Variants in SIPA1L1 observed in about 807,000 individuals in gnomAD.
SIPA1L1 encodes the protein signal induced proliferation associated 1 like 1.
Under a neutral mutation model 162.7 loss-of-function variants are expected in SIPA1L1, and 26 were observed. That is an observed-to-expected ratio of 0.16 (90% CI 0.12 to 0.22). SIPA1L1 has a LOEUF of 0.22. Ranked by LOEUF, SIPA1L1 falls within the 10% of genes least tolerant of loss-of-function variation. The pLI is 1.00. For missense variants in SIPA1L1, 1,874 were observed against 2,241.0 expected (o/e 0.84, Z 3.31); for synonymous variants, 829 against 837.4 (o/e 0.99, Z 0.17).
intron 2 of SIPA1L1, among the ~76,000 whole-genome samples, chr14:71,347,470 C>T (rs116850960): frequency 1.5e-3 from 231 of 152,092 alleles, no homozygotes; most frequent in Non-Finnish European, 2.5e-3. Flanking sequence ...TAAGTTTTAA[C>T]GTGCACATAT....
intron 3 of SIPA1L1, among the ~76,000 whole-genome samples, chr14:71,525,460 G>T (rs1010543128): frequency 6.6e-6 from 1 of 152,200 alleles, no homozygotes; most frequent in Non-Finnish European, 1.5e-5. Flanking sequence ...TGGGATTACA[G>T]GCGTGAGCCA....
intron 4 of SIPA1L1, among the ~76,000 whole-genome samples, chr14:71,568,513 C>T (rs1335578266): frequency 1.3e-5 from 2 of 148,472 alleles, no homozygotes; most frequent in Non-Finnish European, 3.0e-5. Flanking sequence ...GTCTCCTTAG[C>T]ATAGTTCCTC....
chr14:71,467,654 A>G (rs1014563788), intron 2 of SIPA1L1, among the ~76,000 whole-genome samples: 1 of 152,150 alleles, frequency 6.6e-6, no homozygotes. Context: ...TTTAAGTATA[A>G]TGAGTCATTT....
chr14:71,739,141 A>C lies in SIPA1L1; in HGVS notation c.5332A>C (p.Asn1778His). The C allele has an allele frequency of 6.2e-7, 1 of 1,613,796 alleles. No homozygotes were observed. The highest frequency in any genetic ancestry group is 8.5e-7 in the Non-Finnish European group (1 of 1,179,802). The change falls in exon 24 of 24, where the codon AAC becomes CAC. Residue 1778 changes from asparagine to histidine, a missense_variant. Physicochemically the swap from Asn to His is moderately conservative, Grantham distance 68 (BLOSUM62 1). Around this residue, in one of 5 missense-constraint regions of SIPA1L1, gnomAD observed 936 missense variants for 1,051.9 expected, o/e 0.89. Coordinates refer to ENST00000381232, the MANE Select transcript of SIPA1L1 (RefSeq NM_001386936.1). ...KLKKFTEWVF[N>H]TIDMS ...GAAGAAGTTCACAGAATGGGTCTTC[A>C]ACACCATAGACATGAGCTAGGGAAG...
At position 71,588,352 on chromosome 14, in the gene SIPA1L1, C is replaced by T; in HGVS notation, c.480C>T (p.Pro160=). 2.5e-6 allele frequency: 4 copies of T among 1,613,770 alleles called. No homozygotes were observed. The highest frequency in any genetic ancestry group is 3.4e-6 in the Non-Finnish European group (4 of 1,179,978). Residue 160 remains proline (P), a synonymous_variant, in exon 5 of 24, where the codon CCC becomes CCT. Coordinates refer to ENST00000381232, the MANE Select transcript of SIPA1L1 (RefSeq NM_001386936.1). This position sits in a 1 kb window ranked among gnomAD's most constrained non-coding sequence, Gnocchi z 4.3. ...DSRFLMPEAY[P]SSPRKALRRI... is the part of the protein sequence containing the mutation. ...GATTTCTCATGCCTGAAGCCTACCC[C>T]AGCTCCCCCAGAAAAGCTCTTCGCA...
At chr14:71,646,341 T>G (rs1041826889) in intron 7 of SIPA1L1, among the ~76,000 whole-genome samples, 5 of 152,124 alleles carry the variant, frequency 3.3e-5, no homozygotes, top group Non-Finnish European at 7.4e-5. Flanking sequence ...CACGCCCGGC[T>G]AATTTTTTGT....
chr14:71,330,626 G>A, intron 2 of SIPA1L1: 2 of 929,302 alleles, frequency 2.2e-6, no homozygotes, highest in Non-Finnish European at 3.6e-6. Context: ...ATGGTTTGGG[G>A]CGGAAACTGG....
At chr14:71,348,584 C>T (rs2036398455) in intron 2 of SIPA1L1, among the ~76,000 whole-genome samples, 1 of 152,160 alleles carries the variant, frequency 6.6e-6, no homozygotes, top group Admixed American at 6.5e-5. Flanking sequence ...CATGCCTTCC[C>T]ATTAGATGTA....
At chr14:71,418,633 A>G (rs537235233) in intron 2 of SIPA1L1, among the ~76,000 whole-genome samples, 13 of 152,304 alleles carry the variant, frequency 8.5e-5, no homozygotes, top group African/African-American at 2.9e-4. Context: ...TGAATTGCTA[A>G]TGTTTCTCGA....
chr14:71,645,350 G>T (rs996441008), intron 7 of SIPA1L1, among the ~76,000 whole-genome samples: 7 of 152,042 alleles, frequency 4.6e-5, no homozygotes, highest in African/African-American at 1.7e-4. Flanking sequence ...TTAACATTAC[G>T]TATTCACAGG....
At chr14:71,622,940 C>T (rs2039599628) in intron 6 of SIPA1L1, among the ~76,000 whole-genome samples, 4 of 152,326 alleles carry the variant, frequency 2.6e-5, no homozygotes, top group East Asian at 1.9e-4. Flanking sequence ...AATAATCACT[C>T]CTTCCCACTT....
intron 2 of SIPA1L1, among the ~76,000 whole-genome samples, chr14:71,437,725 A>T (rs2044507030): frequency 6.6e-6 from 1 of 152,168 alleles, no homozygotes; most frequent in Non-Finnish European, 1.5e-5. Flanking sequence ...TACCTCTATC[A>T]CAACAAACAT....
chr14:71,731,536 G>A (rs1411888065), intron 20 of SIPA1L1, among the ~76,000 whole-genome samples: 6 of 152,250 alleles, frequency 3.9e-5, no homozygotes, highest in East Asian at 1.9e-4. Flanking sequence ...TCAGTCTTCC[G>A]TGAATTCCAT....
chr14:71,533,218 T>G (rs763492081), intron 4 of SIPA1L1, among the ~76,000 whole-genome samples: 1 of 152,180 alleles, frequency 6.6e-6, no homozygotes, highest in African/African-American at 2.4e-5. Flanking sequence ...AAAAATCAAA[T>G]CAAAAGTTTT....
intron 7 of SIPA1L1, among the ~76,000 whole-genome samples, chr14:71,642,974 A>C (rs2041857521): frequency 6.6e-6 from 1 of 151,962 alleles, no homozygotes. Context: ...GCCAAAAAAA[A>C]AAAAACAAAA....
At chr14:71,639,141 T>C (rs1159716267) in intron 7 of SIPA1L1, among the ~76,000 whole-genome samples, 1 of 152,228 alleles carries the variant, frequency 6.6e-6, no homozygotes, top group African/African-American at 2.4e-5. Flanking sequence ...GCATGATGGC[T>C]CACTTCTGTA....
chr14:71,623,646 C>T (rs978023742), intron 6 of SIPA1L1, among the ~76,000 whole-genome samples: 1 of 152,142 alleles, frequency 6.6e-6, no homozygotes, highest in Non-Finnish European at 1.5e-5. Context: ...AGAAGTATAA[C>T]ATCCAAATTC....
intron 3 of SIPA1L1, among the ~76,000 whole-genome samples, chr14:71,528,892 C>T (rs1251457426): frequency 6.6e-6 from 1 of 151,890 alleles, no homozygotes; most frequent in Non-Finnish European, 1.5e-5. Flanking sequence ...GCGGGCATAT[C>T]ACCTGAGGTC....
At chr14:71,394,086 G>A (rs1273335893) in intron 2 of SIPA1L1, among the ~76,000 whole-genome samples, 1 of 152,210 alleles carries the variant, frequency 6.6e-6, no homozygotes, top group Admixed American at 6.5e-5. Flanking sequence ...TGGGATGTAT[G>A]CGCTATCAAA....
Sources: gnomAD v4.1 joint callset for allele counts (sites outside exome capture counted in the v4.1 genomes callset) on GRCh38, gnomAD v4.1.1 for gene constraint, gnomAD v4.1.1 regional missense constraint, Gnocchi (gnomAD v3.1) non-coding constraint, MANE v1.5 for transcripts, NCBI Gene and HGNC (gene_info 2026-07-23, HGNC 2026-07-21) for gene names.